PTCHD4: variants seen among roughly 807,000 people sequenced by gnomAD.
The protein encoded by PTCHD4 is patched domain-containing protein 4.
In PTCHD4, 33 loss-of-function variants were observed where a neutral mutation model predicts 58.1. That is an observed-to-expected ratio of 0.57 (90% confidence interval 0.43 to 0.76). PTCHD4 has a LOEUF of 0.76. Ranked by LOEUF, PTCHD4 falls within the 30% of genes least tolerant of loss-of-function variation. The pLI is 0.00. For synonymous variants in PTCHD4, 478 were observed against 409.6 expected, an observed-to-expected ratio of 1.17 and a Z score of -2.02; for missense variants, 1,058 against 1,027.1, an observed-to-expected ratio of 1.03 and a Z score of -0.41.
At chr6:47,945,675 GA>G (rs550029931) in intron 4 of PTCHD4, among the ~76,000 whole-genome samples, 4 of 151,774 alleles carry the variant, frequency 2.6e-5, no homozygotes, top group Non-Finnish European at 5.9e-5. Flanking sequence ...TACTTTCATT[GA>G]TTTTTTTACT....
chr6:48,087,921 T>C (rs901421664), intron 1 of PTCHD4, among the ~76,000 whole-genome samples: 16 of 152,216 alleles, frequency 1.1e-4, no homozygotes, highest in Non-Finnish European at 1.9e-4. Flanking sequence ...AGTTAAATCA[T>C]GTAGTATACA....
chr6:48,060,861 G>C (rs1017997742), intron 3 of PTCHD4, among the ~76,000 whole-genome samples: 1 of 152,176 alleles, frequency 6.6e-6, no homozygotes, highest in African/African-American at 2.4e-5. Flanking sequence ...GAGAACCATC[G>C]ACTGTTCCAA....
intron 1 of PTCHD4, among the ~76,000 whole-genome samples, chr6:48,092,477 A>G (rs1765385917): frequency 6.6e-6 from 1 of 152,214 alleles, no homozygotes; most frequent in Non-Finnish European, 1.5e-5. Context: ...TGAAATAACT[A>G]CTGGTTATGA....
intron 4 of PTCHD4, among the ~76,000 whole-genome samples, chr6:47,921,318 C>T (rs1302945811): frequency 6.6e-6 from 1 of 152,114 alleles, no homozygotes; most frequent in Non-Finnish European, 1.5e-5. Flanking sequence ...ATCCTATTTG[C>T]TATCCACTTA....
chr6:47,870,132 A>C lies in PTCHD4; in HGVS notation c.*8171T>G, dbSNP rs897937696. On this transcript the variant is annotated 3_prime_UTR_variant, in exon 5 of 5. Coordinates refer to ENST00000339488, the MANE Select transcript of PTCHD4 (RefSeq NM_001384253.1). ...TGGAACTAGATTTCTTTTGTTGTTA[A>C]AATAAAAAGTTGAGATAGCCAGAAA... Among the ~76,000 whole-genome samples, 4 of 151,704 alleles carry C rather than the reference A, an allele frequency of 2.6e-5. No homozygotes were observed. Among genetic ancestry groups the C allele is most frequent in the Non-Finnish European group, 5.9e-5 (4 of 67,752 alleles).
chr6:48,084,217 T>C (rs1170045605), intron 1 of PTCHD4, among the ~76,000 whole-genome samples: 1 of 152,240 alleles, frequency 6.6e-6, no homozygotes, highest in African/African-American at 2.4e-5. Flanking sequence ...TATGATTTAA[T>C]TGGATTTGTT....
At chr6:47,882,455 G>A (rs1764044692) in intron 4 of PTCHD4, among the ~76,000 whole-genome samples, 1 of 151,890 alleles carries the variant, frequency 6.6e-6, no homozygotes, top group African/African-American at 2.4e-5. Flanking sequence ...CATATGTTTA[G>A]ATATTTTATA....
intron 4 of PTCHD4, among the ~76,000 whole-genome samples, chr6:47,883,853 T>C (rs2114107753): frequency 6.6e-6 from 1 of 152,288 alleles, no homozygotes; most frequent in Admixed American, 6.5e-5. Flanking sequence ...TGGCTTCAAT[T>C]GAAAATTATT....
intron 4 of PTCHD4, among the ~76,000 whole-genome samples, chr6:47,880,587 A>C (rs989366800): frequency 6.6e-6 from 1 of 151,932 alleles, no homozygotes; most frequent in African/African-American, 2.4e-5. Context: ...CGGGGTGAAA[A>C]ATCTTAGCAA....
chr6:47,894,968 C>T (rs1561943676), intron 4 of PTCHD4, among the ~76,000 whole-genome samples: 1 of 151,972 alleles, frequency 6.6e-6, no homozygotes, highest in Non-Finnish European at 1.5e-5. Flanking sequence ...CTCGTCTCCA[C>T]TAAAAATACA....
chr6:48,068,376 G>A lies in PTCHD4; in HGVS notation c.271C>T (p.Leu91=). 1 of 1,613,966 alleles carries A rather than the reference G, an allele frequency of 6.2e-7. No individual in the cohort carries two copies. Among genetic ancestry groups the A allele is most frequent in the Non-Finnish European group, 8.5e-7 (1 of 1,179,868 alleles). Reference sequence around the variant, plus strand: ...TAGAGCTGGCTTTTGGACTGGTCCAGGGGGAAAAGGCTGCTGGCCAGGCTG... The same window carrying A: ...TAGAGCTGGCTTTTGGACTGGTCCAAGGGGAAAAGGCTGCTGGCCAGGCTG... ...ERSLASSLFP[L]DQSKSQLYSD... is the part of the protein sequence containing the mutation. Residue 91 remains leucine (L), a synonymous_variant, in exon 3 of 5, where the codon CTG becomes TTG. Transcript: ENST00000339488. This position sits in a 1 kb window ranked among gnomAD's most constrained non-coding sequence, Gnocchi z 4.2.
At chr6:47,880,531 TA>T (rs66857220) in intron 4 of PTCHD4, among the ~76,000 whole-genome samples, 3 of 150,930 alleles carry the variant, frequency 2.0e-5, no homozygotes, top group East Asian at 2.0e-4. Context: ...TGTGAGTTTT[TA>T]AAAAAAAAAT....
At position 47,861,117 on chromosome 6, in the gene PTCHD4, G is replaced by A. The variant is rs995594297; in HGVS notation, c.*17186C>T. ...TTTCAAACATGTTGGAACTTGGCGT[G>A]AAGAAGGGCAAGATTGTTTTTCTCC... On this transcript the variant is annotated 3_prime_UTR_variant, in exon 5 of 5. Coordinates refer to ENST00000339488, the MANE Select transcript of PTCHD4 (RefSeq NM_001384253.1). 2.6e-5 allele frequency among the ~76,000 whole-genome samples: 4 copies of A among 151,888 alleles called. No individual in the cohort carries two copies. Among genetic ancestry groups the A allele is most frequent in the African/African-American group, 9.7e-5 (4 of 41,406 alleles).
At chr6:48,093,444 CT>C (rs1270377144) in intron 1 of PTCHD4, among the ~76,000 whole-genome samples, 1 of 151,438 alleles carries the variant, frequency 6.6e-6, no homozygotes. Flanking sequence ...ACTGTTTTTT[CT>C]TTTTTTGCAA....
At chr6:47,883,045 A>C in intron 4 of PTCHD4, among the ~76,000 whole-genome samples, 1 of 152,052 alleles carries the variant, frequency 6.6e-6, no homozygotes, top group South Asian at 2.1e-4. Flanking sequence ...TTATTCTAAA[A>C]TTTATTATAC....
intron 3 of PTCHD4, among the ~76,000 whole-genome samples, chr6:48,053,401 G>A (rs1460849377): frequency 6.6e-6 from 1 of 152,038 alleles, no homozygotes; most frequent in African/African-American, 2.4e-5. Context: ...GTTAACAATG[G>A]ATAACATTAA....
At chr6:48,078,991 C>G (rs1182009032) in intron 1 of PTCHD4, among the ~76,000 whole-genome samples, 2 of 151,820 alleles carry the variant, frequency 1.3e-5, no homozygotes, top group Admixed American at 1.3e-4. Flanking sequence ...TGGTGCCGGG[C>G]GCCTGTAGTC....
At position 47,874,411 on chromosome 6, in the gene PTCHD4, T is replaced by C. The variant is rs1763793890; in HGVS notation, c.*3892A>G. ...TGTACTATTAATAACAAAGCATGCATAGTGCCGTGCATTCATAACTATTTG... is the reference window on the plus strand; with the variant it reads ...TGTACTATTAATAACAAAGCATGCACAGTGCCGTGCATTCATAACTATTTG... On this transcript the variant is annotated 3_prime_UTR_variant, in exon 5 of 5. Coordinates refer to ENST00000339488, the MANE Select transcript of PTCHD4 (RefSeq NM_001384253.1). Among the ~76,000 whole-genome samples, 1 of 151,766 alleles carries C rather than the reference T, an allele frequency of 6.6e-6. No individual in the cohort carries two copies. Among genetic ancestry groups the C allele is most frequent in the African/African-American group, 2.4e-5 (1 of 41,402 alleles).
At chr6:47,927,190 C>A (rs1260165606) in intron 4 of PTCHD4, among the ~76,000 whole-genome samples, 1 of 152,216 alleles carries the variant, frequency 6.6e-6, no homozygotes. Flanking sequence ...TGCTTATGTG[C>A]CCTCTATCCC....
Sources: gnomAD v4.1 joint callset for allele counts (sites outside exome capture counted in the v4.1 genomes callset) on GRCh38, gnomAD v4.1.1 for gene constraint, Gnocchi (gnomAD v3.1) non-coding constraint, MANE v1.5 for transcripts, NCBI Gene and HGNC (gene_info 2026-07-23, HGNC 2026-07-21) for gene names.